Variants in ARHGAP28 observed in about 807,000 individuals in gnomAD.
The protein encoded by ARHGAP28 is Rho GTPase activating protein 28.
Under a neutral mutation model 90.7 loss-of-function variants are expected in ARHGAP28, and 56 were observed. The observed-to-expected ratio is 0.62, with a 90% CI of 0.50 to 0.77. The LOEUF is 0.77. Ranked by LOEUF, ARHGAP28 falls within the 30% of genes least tolerant of loss-of-function variation. The pLI, the probability that ARHGAP28 is intolerant of heterozygous loss-of-function variation, is 0.00. For synonymous variants in ARHGAP28, 308 were observed against 323.3 expected (o/e 0.95, Z 0.51); for missense variants, 869 against 900.9 (o/e 0.96, Z 0.45).
intron 1 of ARHGAP28, among the ~76,000 whole-genome samples, chr18:6,797,670 T>G (rs556541437): frequency 2.8e-4 from 42 of 152,200 alleles, no homozygotes; most frequent in Non-Finnish European, 2.1e-4. Context: ...AACGCTTTTT[T>G]TTTTTTTTTA....
At chr18:6,863,707 A>G (rs1018308836) in intron 5 of ARHGAP28, among the ~76,000 whole-genome samples, 51 of 151,658 alleles carry the variant, frequency 3.4e-4, no homozygotes, top group African/African-American at 1.1e-3. Context: ...TATAATTTGT[A>G]TATATTTTTG....
chr18:6,842,223 C>T (rs775169302), intron 3 of ARHGAP28, among the ~76,000 whole-genome samples: 2 of 152,046 alleles, frequency 1.3e-5, no homozygotes, highest in Non-Finnish European at 2.9e-5. Context: ...TGCGGTGGCA[C>T]GTACCTGCTG....
chr18:6,788,921 A>G (rs897575973), intron 1 of ARHGAP28: 5 of 152,244 alleles, frequency 3.3e-5, no homozygotes, highest in African/African-American at 1.2e-4. Context: ...GAGTATCCAC[A>G]ACAGTGTTTG....
intron 1 of ARHGAP28, among the ~76,000 whole-genome samples, chr18:6,784,602 T>A (rs1333132984): frequency 6.6e-6 from 1 of 152,148 alleles, no homozygotes; most frequent in African/African-American, 2.4e-5. Context: ...ATACAAAGAA[T>A]AAGGAAACAT....
intron 1 of ARHGAP28, among the ~76,000 whole-genome samples, chr18:6,803,466 G>T: frequency 6.6e-6 from 1 of 151,994 alleles, no homozygotes; most frequent in East Asian, 1.9e-4. Flanking sequence ...TTTTTATATA[G>T]AGTAGATTGA....
At chr18:6,826,328 G>C (rs578221430) in intron 2 of ARHGAP28, among the ~76,000 whole-genome samples, 7 of 151,882 alleles carry the variant, frequency 4.6e-5, no homozygotes, top group South Asian at 4.2e-4. Context: ...GGAGTTATTT[G>C]CTTTTCGCTT....
intron 2 of ARHGAP28, chr18:6,834,648 C>G (rs1435382936): frequency 6.6e-6 from 1 of 152,186 alleles, no homozygotes; most frequent in African/African-American, 2.4e-5. Context: ...ATAGGAGGAA[C>G]TGTTGCGAGT....
intron 6 of ARHGAP28, among the ~76,000 whole-genome samples, chr18:6,868,762 CA>C (rs1434932687): frequency 6.6e-6 from 1 of 152,034 alleles, no homozygotes; most frequent in Non-Finnish European, 1.5e-5. Flanking sequence ...CAGTTTTTCC[CA>C]AAATACATGC....
Position 6,861,142 on chromosome 18 carries a change from G to A in ARHGAP28, c.726+1245G>A, listed in dbSNP as rs73941144. ...CCTTGTGACTGGGGACTCGTGCCCTGAGGACTTGCCCAGGATCCTTTATCT... is the reference window on the plus strand; with the variant it reads ...CCTTGTGACTGGGGACTCGTGCCCTAAGGACTTGCCCAGGATCCTTTATCT... On this transcript the variant is annotated intron_variant, in intron 5 of 17. Transcript: ENST00000383472. Among the ~76,000 whole-genome samples the A allele has an allele frequency of 3.8e-3, 585 of 152,310 alleles. 3 individuals carry two copies. The highest frequency in any genetic ancestry group is 0.014 in the African/African-American group (567 of 41,570).
intron 1 of ARHGAP28, among the ~76,000 whole-genome samples, chr18:6,752,857 G>C (rs1265199289): frequency 6.6e-6 from 1 of 152,110 alleles, no homozygotes; most frequent in Non-Finnish European, 1.5e-5. Flanking sequence ...AATTAAGCTA[G>C]TATCGTTGCA....
intron 1 of ARHGAP28, among the ~76,000 whole-genome samples, chr18:6,751,590 T>G (rs2056069823): frequency 6.6e-6 from 1 of 152,158 alleles, no homozygotes; most frequent in African/African-American, 2.4e-5. Context: ...TTATTGGAGC[T>G]GGAGTATAGA....
In ARHGAP28 at chr18:6,768,238, A is replaced by C. The variant is rs567205677; in HGVS notation, c.122+38295A>C. 1.2e-4 allele frequency among the ~76,000 whole-genome samples: 19 copies of C among 152,004 alleles called. 1 individual carries two copies. Among genetic ancestry groups the C allele is most frequent in the African/African-American group, 4.3e-4 (18 of 41,456 alleles). ...TTATGATTTCTCTTTTTATGTCCTT[A>C]TGTGCTAATTCCGCCACCCTTGACT... On this transcript the variant is annotated intron_variant, in intron 1 of 17. Coordinates refer to ENST00000383472, the MANE Select transcript of ARHGAP28 (RefSeq NM_001366230.1).
chr18:6,897,696 A>G (rs189842338), intron 16 of ARHGAP28: 1 of 152,338 alleles, frequency 6.6e-6, no homozygotes, highest in Non-Finnish European at 1.5e-5. Flanking sequence ...GATTCCACTT[A>G]TATAACATTT....
At chr18:6,859,705 A>G in intron 4 of ARHGAP28, 103 bp from the exon 5 acceptor site, 1 of 1,140,622 alleles carries the variant, frequency 8.8e-7, no homozygotes, top group Admixed American at 1.9e-5. Flanking sequence ...TCATAATTGC[A>G]TATATTGCCA....
intron 1 of ARHGAP28, among the ~76,000 whole-genome samples, chr18:6,799,839 C>A (rs1165286945): frequency 6.6e-6 from 1 of 152,140 alleles, no homozygotes; most frequent in African/African-American, 2.4e-5. Context: ...AAAGCAATGG[C>A]AACAGAAGCC....
At chr18:6,760,224 A>G (rs1000085094) in intron 1 of ARHGAP28, among the ~76,000 whole-genome samples, 16 of 152,194 alleles carry the variant, frequency 1.1e-4, no homozygotes, top group African/African-American at 3.9e-4. Flanking sequence ...TAAATTTGCA[A>G]ATATGATTAT....
chr18:6,837,539 A>G, intron 3 of ARHGAP28, 125 bp downstream of exon 3: 1 of 732,642 alleles, frequency 1.4e-6, no homozygotes, highest in Non-Finnish European at 2.2e-6. Context: ...ACTTTTTGAG[A>G]AAACTAAAGC....
intron 1 of ARHGAP28, chr18:6,789,455 A>G: frequency 6.6e-6 from 1 of 152,332 alleles, no homozygotes; most frequent in Non-Finnish European, 1.5e-5. Flanking sequence ...CACACCTGTA[A>G]TCCCAACTAT....
In ARHGAP28 at chr18:6,729,754, C is replaced by A; in HGVS notation, c.-68C>A. The A allele has an allele frequency of 1.5e-6, 2 of 1,290,858 alleles. No homozygotes were observed. The highest frequency in any genetic ancestry group is 2.0e-6 in the Non-Finnish European group (2 of 1,019,552). 80.0% of individuals were successfully genotyped at this position (1,290,858 alleles called of 1,614,324 possible). ...CGCCGCCCAGCTGCTGACAGCCTCC[C>A]GGCGCGCCGGTCCATGCTGGTCCCG... On this transcript the variant is annotated 5_prime_UTR_variant, in exon 1 of 18. Coordinates refer to ENST00000383472, the MANE Select transcript of ARHGAP28 (RefSeq NM_001366230.1).
Sources: gnomAD v4.1 joint callset for allele counts (sites outside exome capture counted in the v4.1 genomes callset) on GRCh38, gnomAD v4.1.1 for gene constraint, MANE v1.5 for transcripts, NCBI Gene and HGNC (gene_info 2026-07-23, HGNC 2026-07-21) for gene names.